Variants in CDH18 observed in about 807,000 individuals in gnomAD.
CDH18 encodes the protein cadherin 18.
In CDH18, 31 loss-of-function variants were observed where a neutral mutation model predicts 67.9. That is an observed-to-expected ratio of 0.46 (90% CI 0.34 to 0.62). The LOEUF (loss-of-function observed/expected upper bound fraction) is 0.62, where lower values mean the gene tolerates loss of function less well. Among genes scored for constraint, CDH18 ranks in the 20% least tolerant of loss-of-function variants. The pLI, the probability that CDH18 is intolerant of heterozygous loss-of-function variation, is 0.01. For synonymous variants in CDH18, 362 were observed against 347.2 expected (o/e 1.04, Z -0.48); for missense variants, 890 against 975.5 (o/e 0.91, Z 1.17).
At chr5:20,159,393 G>GA (rs1751803190) in intron 2 of CDH18, among the ~76,000 whole-genome samples, 1 of 152,256 alleles carries the variant, frequency 6.6e-6, no homozygotes, top group Non-Finnish European at 1.5e-5. Context: ...AATCTGGGAT[G>GA]AAAATCTCTT....
At chr5:20,505,431 T>C (rs1754600524) in intron 1 of CDH18, among the ~76,000 whole-genome samples, 1 of 152,150 alleles carries the variant, frequency 6.6e-6, no homozygotes, top group South Asian at 2.1e-4. Flanking sequence ...ATTTTCTTTC[T>C]TTTTTTGGTA....
intron 2 of CDH18, among the ~76,000 whole-genome samples, chr5:19,932,138 G>A (rs1338323008): frequency 1.3e-5 from 2 of 151,774 alleles, no homozygotes; most frequent in Non-Finnish European, 1.5e-5. Flanking sequence ...GATTCCATAT[G>A]TGGCATATGG....
chr5:20,190,046 G>C (rs765375038), intron 2 of CDH18, among the ~76,000 whole-genome samples: 19 of 152,218 alleles, frequency 1.2e-4, no homozygotes, highest in Middle Eastern at 3.4e-3. Flanking sequence ...TTTTTGTAGA[G>C]CTTCTGCAGC....
At chr5:20,468,788 T>C (rs1293727576) in intron 1 of CDH18, among the ~76,000 whole-genome samples, 5 of 152,132 alleles carry the variant, frequency 3.3e-5, no homozygotes, top group African/African-American at 1.2e-4. Flanking sequence ...AAACCATTGA[T>C]TGAACGGTTG....
chr5:20,092,452 G>T (rs767593994), intron 2 of CDH18, among the ~76,000 whole-genome samples: 15 of 152,000 alleles, frequency 9.9e-5, no homozygotes, highest in Middle Eastern at 3.2e-3. Context: ...AACCTAAAGA[G>T]AAAATGTTTT....
In CDH18 at chr5:19,638,977, G is replaced by GTTTTTTTTTTTTTTTTTTTT. The variant is rs34631530; in HGVS notation, c.644-26396_644-26377dup. On this transcript the variant is annotated intron_variant, in intron 5 of 12. Transcript: ENST00000382275. ...GATCGCTGGGAAGTTTTTTGTTGCTGTTTTTTTTTTTTTTTTTTTTTTTTT... is the reference window on the plus strand; with the variant it reads ...GATCGCTGGGAAGTTTTTTGTTGCTGTTTTTTTTTTTTTTTTTTTTTTTTTTTTTTTTTTTTTTTTTTTTT... Among the ~76,000 whole-genome samples the GTTTTTTTTTTTTTTTTTTTT allele has an allele frequency of 2.1e-3, 114 of 54,680 alleles. 2 individuals are homozygous for GTTTTTTTTTTTTTTTTTTTT. The highest frequency in any genetic ancestry group is 3.1e-3 in the African/African-American group (60 of 19,134). 35.9% of individuals were successfully genotyped at this position (54,680 alleles called of 152,430 possible).
At position 19,471,917 on chromosome 5, in the gene CDH18, G is replaced by C. The variant is rs146616989; in HGVS notation, c.*1309C>G. On this transcript the variant is annotated 3_prime_UTR_variant, in exon 13 of 13. Transcript: ENST00000382275. Reference sequence around the variant, plus strand: ...AATTGAATACTTTGCAGTTGGCAAAGCATTTTACAGATGCTCATTTAATCC... The same window carrying C: ...AATTGAATACTTTGCAGTTGGCAAACCATTTTACAGATGCTCATTTAATCC... Among the ~76,000 whole-genome samples the C allele has an allele frequency of 1.1e-3, 163 of 152,234 alleles. No individual in the cohort carries two copies. Among genetic ancestry groups the C allele is most frequent in the African/African-American group, 3.8e-3 (156 of 41,562 alleles).
intron 4 of CDH18, among the ~76,000 whole-genome samples, chr5:19,736,136 A>C (rs1456776703): frequency 6.6e-6 from 1 of 152,258 alleles, no homozygotes; most frequent in Non-Finnish European, 1.5e-5. Context: ...AAGATACAAC[A>C]CAAGAATTCA....
At chr5:19,749,705 T>C (rs1770585556) in intron 3 of CDH18, among the ~76,000 whole-genome samples, 1 of 151,062 alleles carries the variant, frequency 6.6e-6, no homozygotes, top group Non-Finnish European at 1.5e-5. Context: ...ATACACTATA[T>C]AGATTCTAGT....
intron 9 of CDH18, among the ~76,000 whole-genome samples, chr5:19,530,633 T>C (rs966921720): frequency 6.6e-6 from 1 of 152,034 alleles, no homozygotes. Context: ...CCTTCCTGTG[T>C]CCATGTGTTC....
intron 2 of CDH18, among the ~76,000 whole-genome samples, chr5:20,024,357 A>G (rs1397870854): frequency 2.6e-5 from 4 of 152,170 alleles, no homozygotes; most frequent in Admixed American, 2.6e-4. Context: ...TAAAATAAAT[A>G]ATAGACAAAG....
At chr5:19,574,276 T>A (rs1741941183) in intron 7 of CDH18, among the ~76,000 whole-genome samples, 2 of 152,190 alleles carry the variant, frequency 1.3e-5, no homozygotes, top group South Asian at 4.1e-4. Flanking sequence ...TGGTTTCAGG[T>A]TGACGATCAT....
At chr5:20,245,958 A>G (rs892505224) in intron 2 of CDH18, among the ~76,000 whole-genome samples, 1 of 152,100 alleles carries the variant, frequency 6.6e-6, no homozygotes, top group Admixed American at 6.5e-5. Context: ...AGATGTTGTG[A>G]TTATTATTGT....
intron 5 of CDH18, among the ~76,000 whole-genome samples, chr5:19,616,002 G>A (rs1749765254): frequency 1.3e-5 from 2 of 151,960 alleles, no homozygotes; most frequent in African/African-American, 2.4e-5. Flanking sequence ...ATCTACATAT[G>A]GGTTTTTGTA....
At chr5:20,031,750 T>C (rs1739416951) in intron 2 of CDH18, among the ~76,000 whole-genome samples, 1 of 152,134 alleles carries the variant, frequency 6.6e-6, no homozygotes, top group Admixed American at 6.6e-5. Context: ...ATTTAAGGCA[T>C]AAAATAAATA....
chr5:19,757,242 C>T (rs969263586), intron 3 of CDH18, among the ~76,000 whole-genome samples: 6 of 152,156 alleles, frequency 3.9e-5, no homozygotes, highest in Non-Finnish European at 7.3e-5. Context: ...GATAGGCAAA[C>T]CCATATGCAG....
chr5:20,152,515 A>G (rs1399114549), intron 2 of CDH18, among the ~76,000 whole-genome samples: 1 of 151,820 alleles, frequency 6.6e-6, no homozygotes, highest in Non-Finnish European at 1.5e-5. Context: ...TTACATTTTC[A>G]GCTGGTTAAT....
At chr5:19,713,947 G>A (rs773172288) in intron 5 of CDH18, among the ~76,000 whole-genome samples, 1 of 152,106 alleles carries the variant, frequency 6.6e-6, no homozygotes, top group Non-Finnish European at 1.5e-5. Context: ...TGCCTGGGCA[G>A]TGCACTGTAC....
rs562633746 is a variant in CDH18 at position 20,321,576 on chromosome 5, A to G, written c.-579-66071T>C. On this transcript the variant is annotated intron_variant, in intron 1 of 14. Coordinates refer to the CDH18 transcript ENST00000507958. ...TAAAAAAAGTGCTATACTCTTTTCT[A>G]TTTCATTTCTGTGATTATTAAATTT... Among the ~76,000 whole-genome samples the G allele has an allele frequency of 2.4e-3, 361 of 152,192 alleles. 6 individuals are homozygous for G. The highest frequency in any genetic ancestry group is 0.014 in the Middle Eastern group (4 of 294).
Sources: gnomAD v4.1 joint callset for allele counts (sites outside exome capture counted in the v4.1 genomes callset) on GRCh38, gnomAD v4.1.1 for gene constraint, MANE v1.5 for transcripts, NCBI Gene and HGNC (gene_info 2026-07-23, HGNC 2026-07-21) for gene names.